Variants in NKAIN2 observed in about 807,000 individuals in gnomAD.
NKAIN2 encodes sodium/potassium-transporting ATPase subunit beta-1-interacting protein 2.
NKAIN2 carries 14 observed loss-of-function variants against 32.6 expected under a neutral mutation model. That is an observed-to-expected ratio of 0.43 (90% CI 0.28 to 0.67). The LOEUF is 0.67. Among genes scored for constraint, NKAIN2 ranks in the 30% least tolerant of loss-of-function variants. The probability of loss-of-function intolerance (pLI) is 0.17; values close to 1 mark genes in which losing one functional copy is unlikely to be tolerated. For synonymous variants in NKAIN2, 80 were observed against 87.2 expected, an observed-to-expected ratio of 0.92 and a Z score of 0.46; for missense variants, 198 against 258.3, an observed-to-expected ratio of 0.77 and a Z score of 1.60.
intron 1 of NKAIN2, among the ~76,000 whole-genome samples, chr6:124,147,894 A>T (rs1283875917): frequency 2.0e-5 from 3 of 152,160 alleles, no homozygotes; most frequent in African/African-American, 7.2e-5. Flanking sequence ...GGCCAGGACC[A>T]TGGATATTTA....
intron 3 of NKAIN2, among the ~76,000 whole-genome samples, chr6:124,393,718 G>C (rs956185406): frequency 6.6e-6 from 1 of 152,134 alleles, no homozygotes; most frequent in Admixed American, 6.5e-5. Flanking sequence ...GCTACTGTCA[G>C]TTCCACCCTG....
At chr6:124,537,503 T>A (rs1013731747) in intron 3 of NKAIN2, among the ~76,000 whole-genome samples, 4 of 152,226 alleles carry the variant, frequency 2.6e-5, no homozygotes, top group Admixed American at 2.6e-4. Flanking sequence ...ACATATTTAC[T>A]TTATTGTTTG....
intron 3 of NKAIN2, among the ~76,000 whole-genome samples, chr6:124,624,712 G>A (rs746108746): frequency 1.5e-4 from 23 of 152,148 alleles, no homozygotes; most frequent in Non-Finnish European, 2.8e-4. Context: ...GCAACATGTT[G>A]TTCTCAAGAA....
chr6:124,050,611 C>G (rs567333932), intron 1 of NKAIN2, among the ~76,000 whole-genome samples: 1 of 152,068 alleles, frequency 6.6e-6, no homozygotes, highest in Admixed American at 6.6e-5. Flanking sequence ...CGACTTACCC[C>G]AATCCATGTG....
intron 4 of NKAIN2, among the ~76,000 whole-genome samples, chr6:124,678,974 A>T (rs1361068497): frequency 2.0e-5 from 3 of 151,956 alleles, no homozygotes; most frequent in Non-Finnish European, 4.4e-5. Flanking sequence ...TTTTTCCAGC[A>T]GTTTGTGTTC....
chr6:124,445,500 A>T (rs1775851206), intron 3 of NKAIN2, among the ~76,000 whole-genome samples: 1 of 152,110 alleles, frequency 6.6e-6, no homozygotes, highest in Non-Finnish European at 1.5e-5. Flanking sequence ...AAGACAAAAA[A>T]AATTCAAAAT....
At chr6:124,288,438 A>AT (rs1485929897) in intron 2 of NKAIN2, among the ~76,000 whole-genome samples, 1 of 152,228 alleles carries the variant, frequency 6.6e-6, no homozygotes, top group Non-Finnish European at 1.5e-5. Flanking sequence ...TGCCTCTCCC[A>AT]TATCAAGGAT....
rs1257699836 is a variant in NKAIN2, at chr6:124,084,741, T to G, written c.55-198264T>G. Among the ~76,000 whole-genome samples, 9 of 152,086 alleles carry G rather than the reference T, an allele frequency of 5.9e-5. No homozygotes were observed. The East Asian group carries it at 1.7e-3, about 29-fold the overall frequency. ...TGAATTGGCATGTCTAGAACTGAAG[T>G]CAAGATCATTGTGCTTTAATCACTC... On this transcript the variant is annotated intron_variant, in intron 1 of 6. Transcript: ENST00000368417.
intron 1 of NKAIN2, among the ~76,000 whole-genome samples, chr6:124,202,669 C>A (rs1790652937): frequency 6.6e-6 from 1 of 151,618 alleles, no homozygotes; most frequent in Non-Finnish European, 1.5e-5. Context: ...TTTTTTTATT[C>A]TAAGGAATGG....
intron 4 of NKAIN2, among the ~76,000 whole-genome samples, chr6:124,779,276 AGAG>A: frequency 8.2e-6 from 1 of 122,342 alleles, no homozygotes; most frequent in Non-Finnish European, 1.7e-5. Flanking sequence ...AGAGAGAGAG[AGAG>A]AGAGGAAGGC....
At position 124,180,285 on chromosome 6, in the gene NKAIN2, C is replaced by T. The variant is rs138753045; in HGVS notation, c.55-102720C>T. ...ACAATCCCACATGGCTGGGAAGACT[C>T]ATAATCATGGTGAAAGGCAGGCAAA... On this transcript the variant is annotated intron_variant, in intron 1 of 6. Transcript: ENST00000368417. Among the ~76,000 whole-genome samples, 848 of 152,244 alleles carry T rather than the reference C, an allele frequency of 5.6e-3. 13 individuals carry two copies. Among genetic ancestry groups the T allele is most frequent in the African/African-American group, 0.017 (716 of 41,536 alleles).
At chr6:124,450,766 C>A (rs1776073070) in intron 3 of NKAIN2, among the ~76,000 whole-genome samples, 1 of 151,928 alleles carries the variant, frequency 6.6e-6, no homozygotes, top group South Asian at 2.1e-4. Context: ...TTGAACATTT[C>A]TTTTACCAAG....
Position 123,976,340 on chromosome 6 carries a change from T to C in NKAIN2, c.54+172086T>C, listed in dbSNP as rs1368402597. Among the ~76,000 whole-genome samples, 2 of 24,426 alleles carry C rather than the reference T, an allele frequency of 8.2e-5. 1 individual carries two copies. Among genetic ancestry groups the C allele is most frequent in the Non-Finnish European group, 1.6e-4 (2 of 12,252 alleles). 16.0% of individuals were successfully genotyped at this position (24,426 alleles called of 152,430 possible). A position where few individuals can be genotyped will look rare whatever the true frequency, so the allele number is the denominator to read the frequency against. On this transcript the variant is annotated intron_variant, in intron 1 of 6. Transcript: ENST00000368417. ...ATATATATATGTTCCCATATATATATATGTTCCCATATATATATATATATA... is the reference window on the plus strand; with the variant it reads ...ATATATATATGTTCCCATATATATACATGTTCCCATATATATATATATATA...
chr6:124,391,778 T>G (rs958973912), intron 3 of NKAIN2, among the ~76,000 whole-genome samples: 5 of 152,160 alleles, frequency 3.3e-5, no homozygotes, highest in African/African-American at 1.2e-4. Context: ...CTTTTGGTGG[T>G]GCTCAAAACT....
intron 3 of NKAIN2, among the ~76,000 whole-genome samples, chr6:124,590,744 G>T (rs557044511): frequency 7.1e-6 from 1 of 140,666 alleles, no homozygotes. Context: ...TACAGGCTTC[G>T]CAGGGGTTTG....
At chr6:123,992,694 A>G (rs1006478589) in intron 1 of NKAIN2, among the ~76,000 whole-genome samples, 10 of 152,236 alleles carry the variant, frequency 6.6e-5, no homozygotes, top group African/African-American at 2.4e-4. Context: ...CTGACTAGGA[A>G]GTGTTTAATG....
At chr6:124,435,815 A>G (rs2114578854) in intron 3 of NKAIN2, among the ~76,000 whole-genome samples, 1 of 152,288 alleles carries the variant, frequency 6.6e-6, no homozygotes, top group East Asian at 1.9e-4. Context: ...CCTTTATATT[A>G]AAAAGTCCCA....
intron 1 of NKAIN2, among the ~76,000 whole-genome samples, chr6:123,805,967 G>A (rs1453023617): frequency 6.6e-6 from 1 of 152,094 alleles, no homozygotes; most frequent in Non-Finnish European, 1.5e-5. Flanking sequence ...CATTTTGTGT[G>A]ATGAATACAA....
At chr6:124,647,993 T>C (rs1336190561) in intron 3 of NKAIN2, among the ~76,000 whole-genome samples, 1 of 152,212 alleles carries the variant, frequency 6.6e-6, no homozygotes, top group Non-Finnish European at 1.5e-5. Context: ...AGATGGATTT[T>C]ATTTGAACTA....
Sources: gnomAD v4.1 joint callset for allele counts (sites outside exome capture counted in the v4.1 genomes callset) on GRCh38, gnomAD v4.1.1 for gene constraint, MANE v1.5 for transcripts, NCBI Gene and HGNC (gene_info 2026-07-23, HGNC 2026-07-21) for gene names.